The following DLGAP2 variants were observed in gnomAD, a reference collection of about 807,000 sequenced individuals.
DLGAP2 encodes the protein disks large-associated protein 2.
DLGAP2 carries 26 observed loss-of-function variants against 100.3 expected under a neutral mutation model. The observed-to-expected ratio is 0.26, with a 90% CI of 0.19 to 0.36. DLGAP2 has a LOEUF of 0.36. Among genes scored for constraint, DLGAP2 ranks in the 10% least tolerant of loss-of-function variants. DLGAP2 has a pLI of 1.00. For synonymous variants in DLGAP2, 886 were observed against 630.1 expected, an observed-to-expected ratio of 1.41 and a Z score of -6.08; for missense variants, 1,858 against 1,453.2, an observed-to-expected ratio of 1.28 and a Z score of -4.53.
intron 2 of DLGAP2, among the ~76,000 whole-genome samples, chr8:1,048,156 A>G (rs1327860507): frequency 1.3e-5 from 2 of 152,084 alleles, no homozygotes; most frequent in African/African-American, 4.8e-5. Context: ...ACAGAATACA[A>G]ACGAACTGGA....
chr8:1,246,713 T>C (rs1798908852), intron 2 of DLGAP2: 1 of 152,310 alleles, frequency 6.6e-6, no homozygotes, highest in Admixed American at 6.5e-5. Flanking sequence ...CATAAACCAC[T>C]GGGGATGTGT....
rs1461724634 is a variant in DLGAP2, at chr8:1,365,679, A to G, written c.106+106796A>G. 3.3e-5 allele frequency among the ~76,000 whole-genome samples: 5 copies of G among 152,210 alleles called. No homozygotes were observed. In the East Asian group the frequency reaches 9.6e-4, roughly 29 times the overall value. On this transcript the variant is annotated intron_variant, in intron 3 of 14. Transcript: ENST00000637795. The stretch of plus-strand genomic sequence containing the variant: ...CAAGTGTGCCGAGCCAAGCAAAATC[A>G]ATCTCGGGTCCCAGTAGATGGAGCC...
intron 2 of DLGAP2, among the ~76,000 whole-genome samples, chr8:1,174,228 G>C (rs1306914405): frequency 6.6e-6 from 1 of 151,978 alleles, no homozygotes; most frequent in Non-Finnish European, 1.5e-5. Context: ...TTGCTATTCT[G>C]CAGGGAATGT....
At chr8:887,287 C>G (rs1797941914) in intron 1 of DLGAP2, among the ~76,000 whole-genome samples, 1 of 152,040 alleles carries the variant, frequency 6.6e-6, no homozygotes, top group Non-Finnish European at 1.5e-5. Flanking sequence ...GATGGGTCTC[C>G]TGAATACAGC....
intron 1 of DLGAP2, among the ~76,000 whole-genome samples, chr8:826,048 C>T (rs946993709): frequency 6.6e-6 from 1 of 152,244 alleles, no homozygotes; most frequent in Non-Finnish European, 1.5e-5. Flanking sequence ...GTAATTTTTG[C>T]TCCCACAAAT....
chr8:1,023,703 G>T (rs544463778), intron 2 of DLGAP2, among the ~76,000 whole-genome samples: 4 of 151,926 alleles, frequency 2.6e-5, no homozygotes, highest in Non-Finnish European at 5.9e-5. Context: ...TTTCCCCATC[G>T]CAGCCCAGCC....
At chr8:1,630,011 A>G (rs961753317) in intron 7 of DLGAP2, among the ~76,000 whole-genome samples, 10 of 152,246 alleles carry the variant, frequency 6.6e-5, no homozygotes, top group African/African-American at 2.4e-4. Flanking sequence ...ATCATTGGAA[A>G]CAATGGTTAA....
At chr8:1,347,290 G>C (rs1302606224) in intron 3 of DLGAP2, among the ~76,000 whole-genome samples, 1 of 151,894 alleles carries the variant, frequency 6.6e-6, no homozygotes, top group East Asian at 1.9e-4. Context: ...ACTCACGGTA[G>C]CTGTGTGGAG....
At chr8:1,194,839 C>T (rs1797714986) in intron 2 of DLGAP2, among the ~76,000 whole-genome samples, 2 of 152,176 alleles carry the variant, frequency 1.3e-5, no homozygotes, top group African/African-American at 2.4e-5. Context: ...CGTGTGTGGC[C>T]AGGGTTCTTC....
At chr8:1,318,815 C>T (rs963919877) in intron 3 of DLGAP2, among the ~76,000 whole-genome samples, 1 of 138,496 alleles carries the variant, frequency 7.2e-6, no homozygotes, top group African/African-American at 2.7e-5. Flanking sequence ...TTGGGGCCTC[C>T]AATGTGTTCC....
chr8:1,603,840 C>T (rs1252832934), intron 6 of DLGAP2, among the ~76,000 whole-genome samples: 1 of 152,086 alleles, frequency 6.6e-6, no homozygotes, highest in Non-Finnish European at 1.5e-5. Context: ...ATGCGTCCTG[C>T]TGGCAGGAGA....
chr8:1,012,738 C>G (rs1474113556), intron 2 of DLGAP2, among the ~76,000 whole-genome samples: 36 of 130,510 alleles, frequency 2.8e-4, no homozygotes, highest in African/African-American at 8.6e-4. Flanking sequence ...CCGGCCCCCC[C>G]ACTTCAGCGG....
At chr8:1,598,702 G>A (rs1162242722) in intron 6 of DLGAP2, among the ~76,000 whole-genome samples, 5 of 152,172 alleles carry the variant, frequency 3.3e-5, no homozygotes, top group African/African-American at 4.8e-5. Context: ...TGTGGGATCA[G>A]TGGTGATCTC....
intron 2 of DLGAP2, among the ~76,000 whole-genome samples, chr8:1,114,238 C>G (rs1805048334): frequency 6.6e-6 from 1 of 151,924 alleles, no homozygotes; most frequent in South Asian, 2.1e-4. Flanking sequence ...GGAGTCCCTC[C>G]TTTTCAGTTT....
chr8:1,555,470 C>A (rs1047760659), intron 5 of DLGAP2, among the ~76,000 whole-genome samples: 2 of 152,182 alleles, frequency 1.3e-5, no homozygotes, highest in Admixed American at 1.3e-4. Context: ...TCTGGGCCAC[C>A]GCTTCCCCCC....
At chr8:1,454,695 G>A (rs1224180469) in intron 3 of DLGAP2, among the ~76,000 whole-genome samples, 1 of 152,184 alleles carries the variant, frequency 6.6e-6, no homozygotes, top group Non-Finnish European at 1.5e-5. Context: ...CTCTAAGGGA[G>A]TTCAGCTTGA....
At position 1,503,398 on chromosome 8, in the gene DLGAP2, T is replaced by A. The variant is rs184029543; in HGVS notation, c.172+1967T>A. Among the ~76,000 whole-genome samples the A allele has an allele frequency of 2.0e-3, 311 of 152,272 alleles. 2 individuals carry two copies. The highest frequency in any genetic ancestry group is 3.4e-3 in the Non-Finnish European group (230 of 68,046). ...ACAGGATTTGTTGTTTTGTGACTGCTCATTTCACATGGGGTAATGTCTTCT... is the reference window on the plus strand; with the variant it reads ...ACAGGATTTGTTGTTTTGTGACTGCACATTTCACATGGGGTAATGTCTTCT... On this transcript the variant is annotated intron_variant, in intron 4 of 14. Coordinates refer to ENST00000637795, the MANE Select transcript of DLGAP2 (RefSeq NM_001346810.2).
chr8:1,493,288 C>T (rs771773875), intron 3 of DLGAP2, among the ~76,000 whole-genome samples: 16 of 152,100 alleles, frequency 1.1e-4, no homozygotes, highest in African/African-American at 3.6e-4. Context: ...CCTCTGTGGA[C>T]GGAGGGCACA....
intron 2 of DLGAP2, among the ~76,000 whole-genome samples, chr8:1,146,630 T>C (rs1018463794): frequency 4.9e-4 from 75 of 152,056 alleles, no homozygotes; most frequent in African/African-American, 1.7e-3. Context: ...TGTGCATGCA[T>C]GTGTGTGCAT....
Sources: gnomAD v4.1 joint callset for allele counts (sites outside exome capture counted in the v4.1 genomes callset) on GRCh38, gnomAD v4.1.1 for gene constraint, MANE v1.5 for transcripts, NCBI Gene and HGNC (gene_info 2026-07-23, HGNC 2026-07-21) for gene names.